BAIAP3: variants seen among roughly 807,000 people sequenced by gnomAD.
BAIAP3 encodes the protein BAI1-associated protein 3.
Under a neutral mutation model 149.7 loss-of-function variants are expected in BAIAP3, and 180 were observed. The observed-to-expected ratio is 1.20, with a 90% CI of 1.07 to 1.36. The LOEUF is 1.36. Ranked by LOEUF, BAIAP3 falls within the 40% of genes most tolerant of loss-of-function variation. BAIAP3 has a pLI of 0.00. For synonymous variants in BAIAP3, 845 were observed against 670.7 expected (o/e 1.26, Z -4.02); for missense variants, 1,767 against 1,563.4 (o/e 1.13, Z -2.20).
chr16:1,343,518 G>A lies in BAIAP3; in HGVS notation c.1386+5G>A. The A allele has an allele frequency of 6.2e-7, 1 of 1,606,054 alleles. No homozygotes were observed. The highest frequency in any genetic ancestry group is 8.5e-7 in the Non-Finnish European group (1 of 1,177,922). ...CCTTCACTGCCCCAGGAGCAGGTGG[G>A]TGCAGCCGGGACCTTCTTGCCAGCC... On this transcript the variant is annotated splice_donor_5th_base_variant and intron_variant, in intron 15 of 33. Coordinates refer to ENST00000426824, the MANE Select transcript of BAIAP3 (RefSeq NM_001199097.2).
chr16:1,348,345 C>G, intron 33 of BAIAP3, 34 bp from the exon 34 acceptor site: 2 of 1,607,818 alleles, frequency 1.2e-6, no homozygotes, highest in Non-Finnish European at 1.7e-6. Context: ...GGGCCTGACC[C>G]CGGCCCCCAC....
chr16:1,334,948 G>A (rs2033363204), intron 1 of BAIAP3, among the ~76,000 whole-genome samples: 2 of 152,166 alleles, frequency 1.3e-5, no homozygotes, highest in African/African-American at 4.8e-5. Flanking sequence ...CTAACCCCCT[G>A]CCCCAAATGT....
intron 11 of BAIAP3, 73 bp from the exon 12 acceptor site, chr16:1,342,454 C>G: frequency 1.2e-5 from 18 of 1,447,952 alleles, no homozygotes; most frequent in Non-Finnish European, 1.6e-5. Context: ...GTGGTCTCTC[C>G]AGGGTCTCAC....
chr16:1,346,995 C>T (rs2034422429), intron 28 of BAIAP3, 40 bp downstream of exon 28: 1 of 1,530,776 alleles, frequency 6.5e-7, no homozygotes, highest in Non-Finnish European at 8.9e-7. Context: ...CGGCCCCCGC[C>T]TCAGGGCTGC....
chr16:1,341,271 G>A, intron 7 of BAIAP3, 23 bp from the exon 8 acceptor site: 2 of 1,606,618 alleles, frequency 1.2e-6, no homozygotes, highest in Non-Finnish European at 1.7e-6. Flanking sequence ...TGGGGCCAGG[G>A]CTGAGACGCC....
At chr16:1,339,743 GCACA>G (rs373559734) in intron 5 of BAIAP3, 140 bp downstream of exon 5, 6 of 647,076 alleles carry the variant, frequency 9.3e-6, no homozygotes, top group Admixed American at 4.9e-5. Flanking sequence ...GGCTGCAGGT[GCACA>G]CACACACACG....
Position 1,342,259 on chromosome 16 carries a change from G to C in BAIAP3, c.933G>C (p.Leu311=), listed in dbSNP as rs571831162. ...CCGAGGACCACACCGATGACTTCCT[G>C]GGGTGCCTCAACATACCTGTCCGGG... ...GPTEDHTDDF[L]GCLNIPVREV... Residue 311 remains leucine, a synonymous_variant, in exon 11 of 34, where the codon CTG becomes CTC. Coordinates refer to ENST00000426824, the MANE Select transcript of BAIAP3 (RefSeq NM_001199097.2). 6.2e-7 allele frequency: 1 copy of C among 1,612,590 alleles called. No individual in the cohort carries two copies. Among genetic ancestry groups the C allele is most frequent in the African/African-American group, 1.3e-5 (1 of 75,052 alleles).
chr16:1,347,763 G>A lies in BAIAP3; in HGVS notation c.2967G>A (p.Glu989=), dbSNP rs757336508. The A allele has an allele frequency of 2.2e-5, 36 of 1,609,476 alleles. 1 individual carries two copies. The South Asian group carries it at 3.7e-4, about 17-fold the overall frequency. ...LSVRCHYEAA[E]QRLAVEVLHA... is the part of the protein sequence containing the mutation. ...TCCGTTGCCATTACGAGGCGGCTGAGCAGCGGCTGGCCGTGGAGGTGCTGC... is the reference window on the plus strand; with the variant it reads ...TCCGTTGCCATTACGAGGCGGCTGAACAGCGGCTGGCCGTGGAGGTGCTGC... The change falls in exon 31 of 34, where the codon GAG becomes GAA. Residue 989 remains glutamate (E), a synonymous_variant. Coordinates refer to ENST00000426824, the MANE Select transcript of BAIAP3 (RefSeq NM_001199097.2).
chr16:1,339,688 A>G (rs2033723939), intron 5 of BAIAP3, 85 bp downstream of exon 5: 3 of 1,064,724 alleles, frequency 2.8e-6, no homozygotes, highest in African/African-American at 1.6e-5. Flanking sequence ...TCATCACCCA[A>G]ACAGTATGCA....
chr16:1,344,415 A>ACCTCTT, intron 17 of BAIAP3, 54 bp from the exon 18 acceptor site: 2 of 1,606,782 alleles, frequency 1.2e-6, no homozygotes, highest in Non-Finnish European at 1.7e-6. Flanking sequence ...TCTCTTGCCC[A>ACCTCTT]CCTCTTCCTC....
At chr16:1,339,428 A>G (rs2033699434) in intron 4 of BAIAP3, 68 bp from the exon 5 acceptor site, 2 of 1,522,298 alleles carry the variant, frequency 1.3e-6, no homozygotes, top group Admixed American at 3.8e-5. Flanking sequence ...GCTCAGGCAG[A>G]CAGGAGGTGC....
intron 22 of BAIAP3, 35 bp downstream of exon 22, chr16:1,345,407 G>A: frequency 6.4e-7 from 1 of 1,571,704 alleles, no homozygotes; most frequent in Non-Finnish European, 8.7e-7. Context: ...CACTGGGGCT[G>A]GTCCAGGCCC....
chr16:1,338,597 G>T lies in BAIAP3; in HGVS notation c.48G>T (p.Gln16His). The T allele has an allele frequency of 6.2e-7, 1 of 1,608,982 alleles. No homozygotes were observed. Among genetic ancestry groups the T allele is most frequent in the Non-Finnish European group, 8.5e-7 (1 of 1,178,280 alleles). The change falls in exon 2 of 34, where the codon CAG becomes CAT. Residue 16 changes from glutamine to histidine, a missense_variant. Physicochemically the swap from Gln to His is conservative, Grantham distance 24. Coordinates refer to ENST00000426824, the MANE Select transcript of BAIAP3 (RefSeq NM_001199097.2). ...DIKSSVLRQV[Q>H]VCPSFRRRTE... The stretch of plus-strand genomic sequence containing the variant: ...AGAGCAGCGTGCTCAGGCAGGTGCA[G>T]GTGTGCCCGTCCTTCCGCCGCAGGA...
In BAIAP3 at chr16:1,344,128, G is replaced by T; in HGVS notation, c.1493G>T (p.Arg498Leu). Residue 498 changes from arginine to leucine, a missense_variant, in exon 16 of 34, where the codon CGC becomes CTC. Transcript: ENST00000426824. ...FPATNSTAVH[R>L]LELLLKCLGK... is the part of the protein sequence containing the mutation. Reference sequence around the variant, plus strand: ...GCCACCAACAGCACCGCTGTCCACCGCCTGGAGCTGCTGCTGAAGTGGGTG... The same window carrying T: ...GCCACCAACAGCACCGCTGTCCACCTCCTGGAGCTGCTGCTGAAGTGGGTG... The T allele has an allele frequency of 6.2e-7, 1 of 1,611,792 alleles. No individual in the cohort carries two copies. Among genetic ancestry groups the T allele is most frequent in the Non-Finnish European group, 8.5e-7 (1 of 1,179,798 alleles).
intron 16 of BAIAP3, 27 bp downstream of exon 16, chr16:1,344,173 G>A (rs1436345617): frequency 1.1e-5 from 18 of 1,612,146 alleles, no homozygotes; most frequent in Non-Finnish European, 1.5e-5. Flanking sequence ...GTGTCAGCGT[G>A]GGTGGGGGCG....
Position 1,347,694 on chromosome 16 carries a change from T to G in BAIAP3, c.2905-7T>G. The G allele has an allele frequency of 6.2e-7, 1 of 1,611,184 alleles. No individual in the cohort carries two copies. Among genetic ancestry groups the G allele is most frequent in the Non-Finnish European group, 8.5e-7 (1 of 1,178,732 alleles). On this transcript the variant is annotated splice_polypyrimidine_tract_variant and splice_region_variant and intron_variant, in intron 30 of 33. Transcript: ENST00000426824. Reference sequence around the variant, plus strand: ...GAGCCCAGCTGCGCTCACCCGCCTTTCCGCAGAGGACCCTGGAGCAGAACC... The same window carrying G: ...GAGCCCAGCTGCGCTCACCCGCCTTGCCGCAGAGGACCCTGGAGCAGAACC...
intron 14 of BAIAP3, 35 bp downstream of exon 14, chr16:1,343,051 T>G (rs1397581075): frequency 1.5e-6 from 2 of 1,346,258 alleles, no homozygotes; most frequent in Non-Finnish European, 2.0e-6. Context: ...GCGGGGAATG[T>G]GGGCGGGCGT....
In BAIAP3 at chr16:1,348,211, G is replaced by T; in HGVS notation, c.3265G>T (p.Gly1089Cys). 1 of 1,608,754 alleles carries T rather than the reference G, an allele frequency of 6.2e-7. No individual in the cohort carries two copies. Residue 1089 changes from glycine (G) to cysteine (C), a missense_variant, in exon 33 of 34, where the codon GGC (glycine) becomes TGC (cysteine). Transcript: ENST00000426824. ...TGGGGAGGCGGCCCTCGGCCTAGGT[G>T]GCGTCACTGGTGTCGCCCGGCCCCA... ...FAGEAALGLG[G>C]VTGVARPQVG...
rs753011107 is a variant in BAIAP3, at chr16:1,344,120, T to C, written c.1485T>C (p.Ala495=). The C allele has an allele frequency of 6.2e-7, 1 of 1,611,998 alleles. No homozygotes were observed. The highest frequency in any genetic ancestry group is 1.1e-5 in the South Asian group (1 of 91,080). The part of the protein sequence containing the change: ...RDYFPATNST[A]VHRLELLLKC... ...ACTTCCCTGCCACCAACAGCACCGCTGTCCACCGCCTGGAGCTGCTGCTGA... is the reference window on the plus strand; with the variant it reads ...ACTTCCCTGCCACCAACAGCACCGCCGTCCACCGCCTGGAGCTGCTGCTGA... Residue 495 remains alanine (A), a synonymous_variant, in exon 16 of 34, where the codon GCT becomes GCC. Transcript: ENST00000426824.
Sources: gnomAD v4.1 joint callset for allele counts (sites outside exome capture counted in the v4.1 genomes callset) on GRCh38, gnomAD v4.1.1 for gene constraint, MANE v1.5 for transcripts, NCBI Gene and HGNC (gene_info 2026-07-23, HGNC 2026-07-21) for gene names.